Variants in TRPM3 observed in about 807,000 individuals in gnomAD.
TRPM3 encodes long transient receptor potential channel 3.
A neutral mutation model predicts 181.2 loss-of-function variants in TRPM3; 77 were observed. The observed-to-expected ratio is 0.42, with a 90% CI of 0.35 to 0.51. TRPM3 has a LOEUF of 0.51. TRPM3 is among the 20% of genes least tolerant of loss of function. The pLI is 0.01. For synonymous variants in TRPM3, 745 were observed against 796.4 expected (o/e 0.94, Z 1.09); for missense variants, 1,759 against 2,196.7 (o/e 0.80, Z 3.98).
intron 9 of TRPM3, among the ~76,000 whole-genome samples, chr9:70,658,078 A>ATATC (rs2060619555): frequency 6.6e-6 from 1 of 152,242 alleles, no homozygotes; most frequent in Non-Finnish European, 1.5e-5. Context: ...TATGGAAGTT[A>ATATC]TATCTTATGG....
chr9:70,787,421 G>C (rs2083933274), intron 6 of TRPM3, among the ~76,000 whole-genome samples: 1 of 151,934 alleles, frequency 6.6e-6, no homozygotes, highest in African/African-American at 2.4e-5. Flanking sequence ...CCTTTATAGG[G>C]TACAAACAAA....
chr9:71,211,242 G>A (rs112797814), intron 1 of TRPM3, among the ~76,000 whole-genome samples: 1 of 152,090 alleles, frequency 6.6e-6, no homozygotes, highest in South Asian at 2.1e-4. Flanking sequence ...AGCCTTGACT[G>A]TTTCTCAATG....
At chr9:71,276,614 T>C (rs2084233891) in intron 1 of TRPM3, among the ~76,000 whole-genome samples, 1 of 152,190 alleles carries the variant, frequency 6.6e-6, no homozygotes, top group Non-Finnish European at 1.5e-5. Context: ...GAGATATAAT[T>C]CATGACTACA....
rs139289942 is a variant in TRPM3, at chr9:71,437,593, G to A, written c.183+9060C>T. ...GCCTGCAAAACCTAAAACACCAGCCGGGCGTGGGGGCTCATGCCTGTCCTA... is the reference window on the plus strand; with the variant it reads ...GCCTGCAAAACCTAAAACACCAGCCAGGCGTGGGGGCTCATGCCTGTCCTA... On this transcript the variant is annotated intron_variant, in intron 1 of 24. Transcript: ENST00000357533. Among the ~76,000 whole-genome samples, 1,514 of 152,158 alleles carry A rather than the reference G, an allele frequency of 1.0e-2. 13 individuals are homozygous for A. Among genetic ancestry groups the A allele is most frequent in the Non-Finnish European group, 0.016 (1,103 of 68,000 alleles).
At chr9:71,436,406 G>T (rs769050412) in intron 1 of TRPM3, among the ~76,000 whole-genome samples, 103 of 146,598 alleles carry the variant, frequency 7.0e-4, no homozygotes, top group Non-Finnish European at 1.2e-3. Context: ...GGGTTCGAGC[G>T]ATTCCCCTGC....
At chr9:70,545,375 G>C (rs1009519069) in intron 25 of TRPM3, among the ~76,000 whole-genome samples, 8 of 152,112 alleles carry the variant, frequency 5.3e-5, no homozygotes, top group African/African-American at 1.9e-4. Context: ...ACAATTTAAA[G>C]TGCATACTGA....
chr9:70,819,611 T>A (rs911382685), intron 6 of TRPM3, among the ~76,000 whole-genome samples: 4 of 152,162 alleles, frequency 2.6e-5, no homozygotes, highest in Non-Finnish European at 5.9e-5. Context: ...AAAGCACTGG[T>A]TATGGAAATC....
At chr9:71,199,991 C>A (rs1413393528) in intron 1 of TRPM3, among the ~76,000 whole-genome samples, 1 of 152,202 alleles carries the variant, frequency 6.6e-6, no homozygotes, top group Non-Finnish European at 1.5e-5. Flanking sequence ...ATGTTTCCTG[C>A]TTTCTATTGT....
At chr9:70,700,718 T>C (rs1252416479) in intron 8 of TRPM3, among the ~76,000 whole-genome samples, 1 of 152,192 alleles carries the variant, frequency 6.6e-6, no homozygotes, top group Non-Finnish European at 1.5e-5. Flanking sequence ...ATCAGATTGA[T>C]CTCTTTGGAG....
chr9:70,777,136 T>C (rs1002757044), intron 7 of TRPM3, among the ~76,000 whole-genome samples: 2 of 152,318 alleles, frequency 1.3e-5, no homozygotes, highest in East Asian at 3.9e-4. Flanking sequence ...TTGGCATTGA[T>C]GCACTTTCTG....
At chr9:71,100,848 T>C (rs1204675985) in intron 1 of TRPM3, among the ~76,000 whole-genome samples, 1 of 152,182 alleles carries the variant, frequency 6.6e-6, no homozygotes, top group Non-Finnish European at 1.5e-5. Context: ...TAGCTGTTAT[T>C]AAATTTGAAT....
intron 1 of TRPM3, among the ~76,000 whole-genome samples, chr9:71,065,477 G>A (rs917108132): frequency 2.0e-5 from 3 of 152,104 alleles, no homozygotes; most frequent in Non-Finnish European, 4.4e-5. Flanking sequence ...CTACTGACCA[G>A]CTAATACAGT....
At chr9:71,388,796 G>A (rs1222525993) in intron 1 of TRPM3, among the ~76,000 whole-genome samples, 1 of 152,064 alleles carries the variant, frequency 6.6e-6, no homozygotes, top group East Asian at 1.9e-4. Flanking sequence ...CAGTGCCCCA[G>A]GAGAGGAAAT....
chr9:70,656,545 A>AG (rs35434384), intron 9 of TRPM3, among the ~76,000 whole-genome samples: 58,443 of 152,048 alleles, frequency 0.38, 11,724 homozygotes, highest in African/African-American at 0.49. Context: ...GGAGTCAGTT[A>AG]ATCAGATCTT....
At chr9:70,635,321 C>T in intron 11 of TRPM3, 60 bp from the exon 12 acceptor site, 4 of 1,491,862 alleles carry the variant, frequency 2.7e-6, no homozygotes, top group Non-Finnish European at 3.7e-6. Flanking sequence ...GTTGGCAAGA[C>T]AAGAAGGATC....
chr9:70,984,568 T>C (rs1003852033), intron 1 of TRPM3, among the ~76,000 whole-genome samples: 2 of 152,186 alleles, frequency 1.3e-5, no homozygotes, highest in African/African-American at 4.8e-5. Context: ...GATTAGCAGG[T>C]GAAATGGGCC....
chr9:71,322,572 T>C (rs1237831612), intron 1 of TRPM3, among the ~76,000 whole-genome samples: 2 of 152,112 alleles, frequency 1.3e-5, no homozygotes, highest in African/African-American at 4.8e-5. Context: ...AAATGTCAAA[T>C]ACTGTTTCAC....
intron 1 of TRPM3, among the ~76,000 whole-genome samples, chr9:70,915,552 G>A (rs777021054): frequency 8.6e-5 from 13 of 151,152 alleles, no homozygotes; most frequent in Admixed American, 4.0e-4. Context: ...TGATCTGCCC[G>A]CCTTGGCCTC....
chr9:71,122,889 G>A (rs1442791359), upstream of TRPM3, among the ~76,000 whole-genome samples: 2 of 152,196 alleles, frequency 1.3e-5, no homozygotes, highest in Non-Finnish European at 2.9e-5. Flanking sequence ...ATACACAGCT[G>A]ATTCATTTTC....
Sources: allele counts gnomAD v4.1 joint callset (sites outside exome capture counted in the v4.1 genomes callset), GRCh38; gene constraint gnomAD v4.1.1; transcripts MANE v1.5; gene names NCBI Gene and HGNC (gene_info 2026-07-23, HGNC 2026-07-21).